Variants in STK32B observed in about 807,000 individuals in gnomAD.
The protein encoded by STK32B is serine/threonine kinase 32B, also known as serine/threonine-protein kinase 32B.
Under a neutral mutation model 52.6 loss-of-function variants are expected in STK32B, and 43 were observed. The observed-to-expected ratio is 0.82, with a 90% confidence interval of 0.64 to 1.05. The LOEUF is 1.05. STK32B is among the 50% of genes least tolerant of loss of function. The probability of loss-of-function intolerance (pLI) is 0.00; values close to 1 mark genes in which losing one functional copy is unlikely to be tolerated. For missense variants in STK32B, 621 were observed against 534.6 expected, an observed-to-expected ratio of 1.16 and a Z score of -1.59; for synonymous variants, 238 against 204.3, an observed-to-expected ratio of 1.17 and a Z score of -1.41.
intron 3 of STK32B, among the ~76,000 whole-genome samples, chr4:5,315,670 C>A (rs1185068385): frequency 3.2e-5 from 4 of 123,566 alleles, no homozygotes; most frequent in African/African-American, 5.0e-5. Context: ...AGTATTTTTT[C>A]TTTTTCTTTT....
At chr4:5,248,748 A>G (rs1725652338) in intron 3 of STK32B, among the ~76,000 whole-genome samples, 1 of 152,126 alleles carries the variant, frequency 6.6e-6, no homozygotes, top group African/African-American at 2.4e-5. Flanking sequence ...ATGCAGCCAT[A>G]AAAAGGGTGA....
intron 4 of STK32B, among the ~76,000 whole-genome samples, chr4:5,353,213 T>C (rs1285475771): frequency 6.6e-6 from 1 of 152,130 alleles, no homozygotes; most frequent in Non-Finnish European, 1.5e-5. Flanking sequence ...TGCAGAAGAA[T>C]GAAACTGGAC....
chr4:5,322,947 G>A (rs1577347725), intron 3 of STK32B, among the ~76,000 whole-genome samples: 2 of 152,204 alleles, frequency 1.3e-5, no homozygotes, highest in Admixed American at 6.5e-5. Context: ...TTGAGTACAT[G>A]ACATGCTTTC....
intron 3 of STK32B, among the ~76,000 whole-genome samples, chr4:5,175,490 G>A (rs538243828): frequency 2.0e-5 from 3 of 152,194 alleles, no homozygotes; most frequent in South Asian, 2.1e-4. Context: ...TGGTGTGGAT[G>A]TCTTTCTGTT....
chr4:5,457,916 A>G (rs1577538281), intron 8 of STK32B, among the ~76,000 whole-genome samples: 1 of 138,988 alleles, frequency 7.2e-6, no homozygotes, highest in African/African-American at 2.6e-5. Context: ...ATGGAGGGAG[A>G]GAGGAAGGAA....
At chr4:5,363,056 A>G (rs1734652497) in intron 4 of STK32B, among the ~76,000 whole-genome samples, 3 of 151,994 alleles carry the variant, frequency 2.0e-5, no homozygotes, top group Non-Finnish European at 4.4e-5. Flanking sequence ...CTCACATACA[A>G]CCACATTCCT....
intron 3 of STK32B, among the ~76,000 whole-genome samples, chr4:5,316,177 A>AT (rs1560309978): frequency 2.7e-4 from 25 of 93,382 alleles, no homozygotes; most frequent in African/African-American, 7.4e-4. Flanking sequence ...ATATATATAT[A>AT]ACTAAATATA....
At chr4:5,360,694 T>C (rs1473659997) in intron 4 of STK32B, among the ~76,000 whole-genome samples, 1 of 152,102 alleles carries the variant, frequency 6.6e-6, no homozygotes, top group African/African-American at 2.4e-5. Flanking sequence ...TAATCCCAGC[T>C]ACTCGGGAGG....
intron 4 of STK32B, among the ~76,000 whole-genome samples, chr4:5,345,714 C>T (rs1733406464): frequency 1.3e-5 from 2 of 152,204 alleles, no homozygotes; most frequent in South Asian, 2.1e-4. Flanking sequence ...AGGGCCTAAG[C>T]TCATACTATC....
At chr4:5,020,744 AG>A in the STK32B span, among the ~76,000 whole-genome samples, 1 of 7,378 alleles carries the variant, frequency 1.4e-4, no homozygotes, top group South Asian at 0.011. Flanking sequence ...GTCAAAAGGG[AG>A]AAGATTCTTC....
chr4:5,342,929 T>C (rs1051051293), intron 4 of STK32B, among the ~76,000 whole-genome samples: 4 of 152,238 alleles, frequency 2.6e-5, no homozygotes. Flanking sequence ...AACTGCTTCC[T>C]AGAACTTCTC....
At chr4:5,295,451 A>C (rs1729136055) in intron 3 of STK32B, among the ~76,000 whole-genome samples, 1 of 151,152 alleles carries the variant, frequency 6.6e-6, no homozygotes, top group African/African-American at 2.4e-5. Context: ...CAATTTCAGA[A>C]CTTGTTGTTG....
chr4:5,067,166 A>C (rs112933923), intron 1 of STK32B, among the ~76,000 whole-genome samples: 22,263 of 152,236 alleles, frequency 0.15, 2,001 homozygotes, highest in Non-Finnish European at 0.2. Flanking sequence ...GGAAATGAGA[A>C]CCAAGTGAAA....
In STK32B at chr4:5,404,600, A is replaced by G. The variant is rs10022382; in HGVS notation, c.472+6356A>G. 4.1e-3 allele frequency among the ~76,000 whole-genome samples: 628 copies of G among 152,014 alleles called. 3 individuals carry two copies. Among genetic ancestry groups the G allele is most frequent in the African/African-American group, 0.013 (558 of 41,422 alleles). On this transcript the variant is annotated intron_variant, in intron 5 of 11. Transcript: ENST00000282908. ...ACATAGCACATTTCAGTCAAATCCA[A>G]CCTCATCAACATGGATATCCTCTTC...
chr4:5,180,071 G>C (rs1254053761), intron 3 of STK32B, among the ~76,000 whole-genome samples: 2 of 152,196 alleles, frequency 1.3e-5, no homozygotes, highest in Admixed American at 6.5e-5. Flanking sequence ...ATTCAGAGCT[G>C]TTTCCAGAAG....
At chr4:5,107,058 C>T (rs1290834259) in intron 1 of STK32B, among the ~76,000 whole-genome samples, 3 of 152,206 alleles carry the variant, frequency 2.0e-5, no homozygotes, top group African/African-American at 7.2e-5. Flanking sequence ...GAAGCTTCAT[C>T]TGTATTTACA....
At chr4:5,132,481 A>G (rs1715838938) in intron 1 of STK32B, among the ~76,000 whole-genome samples, 1 of 152,184 alleles carries the variant, frequency 6.6e-6, no homozygotes, top group Admixed American at 6.5e-5. Context: ...CGGAACCTAA[A>G]ATAAAAAATA....
At chr4:5,139,336 T>C (rs1716265609) in intron 1 of STK32B, among the ~76,000 whole-genome samples, 1 of 152,172 alleles carries the variant, frequency 6.6e-6, no homozygotes, top group Admixed American at 6.5e-5. Context: ...AGGGCAGGCA[T>C]TGACACATAC....
chr4:5,459,427 C>T (rs1358982425), intron 8 of STK32B, among the ~76,000 whole-genome samples: 2 of 152,208 alleles, frequency 1.3e-5, no homozygotes, highest in African/African-American at 4.8e-5. Flanking sequence ...CAGCAGCTCG[C>T]CCAAGGTCAC....
Sources: allele counts gnomAD v4.1 joint callset (sites outside exome capture counted in the v4.1 genomes callset), GRCh38; gene constraint gnomAD v4.1.1; transcripts MANE v1.5; gene names NCBI Gene and HGNC (gene_info 2026-07-23, HGNC 2026-07-21).